The following MEIKIN variants were observed in gnomAD, a reference collection of about 807,000 sequenced individuals.
MEIKIN encodes the protein meiosis-specific kinetochore protein.
intron 11 of MEIKIN, among the ~76,000 whole-genome samples, chr5:131,822,508 CTAAT>C (rs1005675289): frequency 2.6e-5 from 4 of 152,068 alleles, no homozygotes; most frequent in Non-Finnish European, 5.9e-5. Context: ...AATATTATAA[CTAAT>C]TATTTTAAAC....
At chr5:131,891,198 T>C (rs1750910096) in intron 8 of MEIKIN, among the ~76,000 whole-genome samples, 1 of 152,206 alleles carries the variant, frequency 6.6e-6, no homozygotes, top group Non-Finnish European at 1.5e-5. Flanking sequence ...ATTCTGTTGA[T>C]TTGGGGTGGC....
chr5:131,815,398 A>T (rs1773083546), intron 12 of MEIKIN, among the ~76,000 whole-genome samples: 1 of 152,220 alleles, frequency 6.6e-6, no homozygotes, highest in Non-Finnish European at 1.5e-5. Flanking sequence ...ATAGCCAGGA[A>T]TCAAGGGGTA....
chr5:131,894,260 G>A (rs1358763741), intron 8 of MEIKIN, among the ~76,000 whole-genome samples: 1 of 151,150 alleles, frequency 6.6e-6, no homozygotes, highest in African/African-American at 2.4e-5. Context: ...TGGTCTACAT[G>A]TCTGTTTTGG....
intron 11 of MEIKIN, among the ~76,000 whole-genome samples, chr5:131,820,827 A>G (rs184940453): frequency 1.3e-5 from 2 of 152,248 alleles, no homozygotes; most frequent in African/African-American, 4.8e-5. Flanking sequence ...GACACTAATG[A>G]TCCTTTGAAT....
chr5:131,932,472 T>C (rs1479177164), intron 5 of MEIKIN, among the ~76,000 whole-genome samples: 2 of 152,194 alleles, frequency 1.3e-5, no homozygotes, highest in Non-Finnish European at 2.9e-5. Context: ...TCCATTCTCA[T>C]GATAATGCCA....
At chr5:131,857,237 A>C (rs1037695517) in intron 9 of MEIKIN, among the ~76,000 whole-genome samples, 9 of 152,158 alleles carry the variant, frequency 5.9e-5, no homozygotes, top group Admixed American at 3.3e-4. Flanking sequence ...AGCACTTCTC[A>C]CATGTCCTAT....
intron 9 of MEIKIN, among the ~76,000 whole-genome samples, chr5:131,873,065 C>T (rs1188197590): frequency 6.6e-6 from 1 of 152,174 alleles, no homozygotes; most frequent in Non-Finnish European, 1.5e-5. Flanking sequence ...TAAAGACCAT[C>T]AAGGCTAGGA....
At chr5:131,848,233 C>A (rs1750051417) in intron 11 of MEIKIN, among the ~76,000 whole-genome samples, 1 of 151,782 alleles carries the variant, frequency 6.6e-6, no homozygotes, top group Non-Finnish European at 1.5e-5. Context: ...TCAATCAAAC[C>A]AAAATTGGTT....
At chr5:131,856,234 G>T in intron 9 of MEIKIN, among the ~76,000 whole-genome samples, 1 of 152,126 alleles carries the variant, frequency 6.6e-6, no homozygotes, top group East Asian at 1.9e-4. Context: ...TGATGCAAGG[G>T]TTACAAATAA....
At chr5:131,893,463 G>A (rs1052994229) in intron 8 of MEIKIN, among the ~76,000 whole-genome samples, 5 of 152,192 alleles carry the variant, frequency 3.3e-5, no homozygotes, top group Admixed American at 1.3e-4. Flanking sequence ...GCGTGGGAGC[G>A]ACCCGATATT....
intron 5 of MEIKIN, among the ~76,000 whole-genome samples, chr5:131,925,697 C>G (rs1193624509): frequency 6.6e-6 from 1 of 151,906 alleles, no homozygotes; most frequent in Non-Finnish European, 1.5e-5. Flanking sequence ...GAGACAGAGT[C>G]TTGCTCTGTC....
intron 12 of MEIKIN, among the ~76,000 whole-genome samples, chr5:131,816,193 T>C (rs1018137796): frequency 3.9e-5 from 6 of 152,204 alleles, no homozygotes; most frequent in African/African-American, 7.2e-5. Flanking sequence ...GATTAAATTA[T>C]GGTTTAAGGA....
chr5:131,896,407 G>T lies in MEIKIN; in HGVS notation c.703+15408C>A, dbSNP rs544631851. Among the ~76,000 whole-genome samples the T allele has an allele frequency of 2.6e-5, 4 of 152,268 alleles. No homozygotes were observed. The East Asian group carries it at 7.7e-4, about 29-fold the overall frequency. On this transcript the variant is annotated intron_variant, in intron 8 of 12. Transcript: ENST00000442687. ...CTGTAGATGGCTGTTAGGTCTGCTT[G>T]GTGCAGAGCTGAGTTCAAGTCCTGG... is the stretch of plus-strand genomic sequence containing the variant.
chr5:131,899,398 G>A (rs916704946), intron 8 of MEIKIN, among the ~76,000 whole-genome samples: 1 of 151,640 alleles, frequency 6.6e-6, no homozygotes, highest in African/African-American at 2.4e-5. Context: ...TTCATTAATA[G>A]GAACACAAAA....
At chr5:131,937,857 G>A (rs997098348) in intron 4 of MEIKIN, among the ~76,000 whole-genome samples, 2 of 151,994 alleles carry the variant, frequency 1.3e-5, no homozygotes, top group South Asian at 2.1e-4. Context: ...GTAACTTGGT[G>A]TGGTTTTTTT....
At chr5:131,921,632 G>A (rs1176218997) in intron 6 of MEIKIN, among the ~76,000 whole-genome samples, 190 bp downstream of exon 6, 1 of 152,070 alleles carries the variant, frequency 6.6e-6, no homozygotes, top group Non-Finnish European at 1.5e-5. Flanking sequence ...ACTCCAGCCT[G>A]GGCAACATAG....
intron 5 of MEIKIN, among the ~76,000 whole-genome samples, chr5:131,927,320 G>A (rs1751603070): frequency 1.3e-5 from 2 of 151,998 alleles, no homozygotes; most frequent in Non-Finnish European, 2.9e-5. Flanking sequence ...GTTCCATTAT[G>A]GTCAGAAAAG....
chr5:131,901,740 C>G (rs1292331380), intron 8 of MEIKIN, among the ~76,000 whole-genome samples: 1 of 152,040 alleles, frequency 6.6e-6, no homozygotes, highest in African/African-American at 2.4e-5. Context: ...GAGCCTTGGC[C>G]CCCCACAAAA....
chr5:131,810,549 A>G (rs982172143), intron 12 of MEIKIN, among the ~76,000 whole-genome samples: 1 of 152,186 alleles, frequency 6.6e-6, no homozygotes, highest in Non-Finnish European at 1.5e-5. Context: ...AAGATGAGTA[A>G]AATAGACTAA....
Sources: gnomAD v4.1 joint callset for allele counts (sites outside exome capture counted in the v4.1 genomes callset) on GRCh38, gnomAD v4.1.1 for gene constraint, MANE v1.5 for transcripts, NCBI Gene and HGNC (gene_info 2026-07-23, HGNC 2026-07-21) for gene names.